Variants in ZNF521 observed in about 807,000 individuals in gnomAD.
The protein encoded by ZNF521 is zinc finger protein 521.
ZNF521 carries 14 observed loss-of-function variants against 105.5 expected under a neutral mutation model. That is an observed-to-expected ratio of 0.13 (90% CI 0.09 to 0.21). The LOEUF (loss-of-function observed/expected upper bound fraction) is 0.21. ZNF521 is among the 10% of genes least tolerant of loss of function. The probability of loss-of-function intolerance (pLI) is 1.00; values close to 1 mark genes in which losing one functional copy is unlikely to be tolerated. For synonymous variants in ZNF521, 635 were observed against 606.0 expected (o/e 1.05, Z -0.70); for missense variants, 1,233 against 1,629.7 (o/e 0.76, Z 4.19).
chr18:25,233,745 A>G (rs1906691822), intron 3 of ZNF521, among the ~76,000 whole-genome samples: 1 of 151,506 alleles, frequency 6.6e-6, no homozygotes, highest in Admixed American at 6.6e-5. Flanking sequence ...AACACTTCAG[A>G]TGAGCCAACA....
At chr18:25,222,579 A>G (rs1905803778) in intron 4 of ZNF521, among the ~76,000 whole-genome samples, 1 of 152,208 alleles carries the variant, frequency 6.6e-6, no homozygotes, top group Admixed American at 6.5e-5. Flanking sequence ...ACACAGACTA[A>G]TGCAGTCATT....
At chr18:25,065,659 A>C in intron 7 of ZNF521, among the ~76,000 whole-genome samples, 1 of 152,094 alleles carries the variant, frequency 6.6e-6, no homozygotes, top group East Asian at 1.9e-4. Context: ...CAGTTTAATT[A>C]CATTATTTTC....
At chr18:25,151,155 A>G (rs1014879237) in intron 5 of ZNF521, among the ~76,000 whole-genome samples, 2 of 152,152 alleles carry the variant, frequency 1.3e-5, no homozygotes, top group Non-Finnish European at 2.9e-5. Flanking sequence ...CGCCCTAAAA[A>G]TAAAACCCAA....
intron 5 of ZNF521, among the ~76,000 whole-genome samples, chr18:25,139,958 T>C (rs2034815611): frequency 6.6e-6 from 1 of 152,134 alleles, no homozygotes; most frequent in Admixed American, 6.6e-5. Context: ...CAAGCCACTG[T>C]CTATGAAGCA....
intron 3 of ZNF521, among the ~76,000 whole-genome samples, chr18:25,300,523 A>G (rs949815763): frequency 6.6e-6 from 1 of 152,156 alleles, no homozygotes; most frequent in Non-Finnish European, 1.5e-5. Flanking sequence ...TCCATCTCTT[A>G]TTATTAAAAG....
intron 5 of ZNF521, among the ~76,000 whole-genome samples, chr18:25,124,654 T>C (rs545112647): frequency 4.6e-5 from 7 of 152,306 alleles, no homozygotes; most frequent in South Asian, 2.1e-4. Context: ...AACTTTATCT[T>C]ATTTTCAATT....
rs114158937 is a variant in ZNF521 at position 25,322,117 on chromosome 18, G to A, written c.111C>T (p.Asp37=). The A allele has an allele frequency of 5.6e-4, 910 of 1,614,126 alleles. 3 individuals carry two copies. In the East Asian group the frequency reaches 6.4e-3, roughly 11 times the overall value. Residue 37 remains aspartate (D), a synonymous_variant, in exon 3 of 8, where the codon GAC becomes GAT. Coordinates refer to ENST00000361524, the MANE Select transcript of ZNF521 (RefSeq NM_015461.3). The stretch of plus-strand genomic sequence containing the variant: ...CAGCTTCGTCTTCCAACTCCTCCCC[G>A]TCTTCCGGCCTCTTCTTACAATCTA... ...EALDCKKRPE[D]GEELEDEAVH...
chr18:25,105,329 C>T (rs965947425), intron 5 of ZNF521, among the ~76,000 whole-genome samples: 4 of 152,112 alleles, frequency 2.6e-5, no homozygotes, highest in African/African-American at 7.2e-5. Context: ...TTAATTCACC[C>T]GAGTAGGTCT....
In ZNF521 at chr18:25,115,522, G is replaced by A. The variant is rs189036775; in HGVS notation, c.3659-23441C>T. 4.2e-3 allele frequency among the ~76,000 whole-genome samples: 639 copies of A among 152,114 alleles called. 3 individuals carry two copies. Among genetic ancestry groups the A allele is most frequent in the African/African-American group, 0.014 (566 of 41,510 alleles). On this transcript the variant is annotated intron_variant, in intron 5 of 7. Transcript: ENST00000361524. ...ATACCTATGGCAGGGCATGAATCAT[G>A]GGCTTTTCTGTTCATAAAGTATTAT...
chr18:25,230,264 AAAAT>A (rs1906449424), intron 3 of ZNF521, among the ~76,000 whole-genome samples: 1 of 152,254 alleles, frequency 6.6e-6, no homozygotes, highest in African/African-American at 2.4e-5. Context: ...TACTTATAGA[AAAAT>A]AAATAAAGCA....
At chr18:25,095,736 T>C (rs2033838739) in intron 5 of ZNF521, among the ~76,000 whole-genome samples, 1 of 152,154 alleles carries the variant, frequency 6.6e-6, no homozygotes, top group South Asian at 2.1e-4. Context: ...AAAACTCTAG[T>C]TTTGCCCAAT....
At chr18:25,191,143 C>A (rs766369261) in intron 5 of ZNF521, among the ~76,000 whole-genome samples, 1 of 152,174 alleles carries the variant, frequency 6.6e-6, no homozygotes, top group Non-Finnish European at 1.5e-5. Flanking sequence ...GACACTTAGA[C>A]ACAATTTTGC....
At chr18:25,136,270 T>C (rs2034731775) in intron 5 of ZNF521, among the ~76,000 whole-genome samples, 1 of 152,164 alleles carries the variant, frequency 6.6e-6, no homozygotes, top group Non-Finnish European at 1.5e-5. Context: ...TTCTATATAG[T>C]CCCTATTTTA....
At chr18:25,290,757 C>T (rs1910970387) in intron 3 of ZNF521, among the ~76,000 whole-genome samples, 1 of 151,810 alleles carries the variant, frequency 6.6e-6, no homozygotes, top group Non-Finnish European at 1.5e-5. Flanking sequence ...ATTACAGGTA[C>T]CCGCCACCAC....
intron 5 of ZNF521, among the ~76,000 whole-genome samples, chr18:25,095,896 C>T (rs547021606): frequency 6.6e-6 from 1 of 152,164 alleles, no homozygotes; most frequent in South Asian, 2.1e-4. Flanking sequence ...CACAGAATAC[C>T]CCTCTCTGTT....
intron 5 of ZNF521, among the ~76,000 whole-genome samples, chr18:25,147,053 T>C (rs893718267): frequency 7.2e-5 from 11 of 152,176 alleles, no homozygotes; most frequent in Admixed American, 5.9e-4. Context: ...TTCTGAAAGT[T>C]TGCAGGATAC....
At chr18:25,155,011 A>C (rs1250249816) in intron 5 of ZNF521, among the ~76,000 whole-genome samples, 1 of 152,156 alleles carries the variant, frequency 6.6e-6, no homozygotes, top group Non-Finnish European at 1.5e-5. Context: ...TCTCACCAAC[A>C]GACAAGGGTT....
chr18:25,231,176 G>A (rs1454874619), intron 3 of ZNF521, among the ~76,000 whole-genome samples: 2 of 152,220 alleles, frequency 1.3e-5, no homozygotes, highest in African/African-American at 4.8e-5. Context: ...CCCAGCCGCT[G>A]AAGGCCTGTC....
intron 3 of ZNF521, among the ~76,000 whole-genome samples, chr18:25,320,094 CAA>C (rs1232494071): frequency 6.6e-6 from 1 of 152,106 alleles, no homozygotes; most frequent in Non-Finnish European, 1.5e-5. Flanking sequence ...AAATAGCTAC[CAA>C]AGACATTATT....
Sources: allele counts gnomAD v4.1 joint callset (sites outside exome capture counted in the v4.1 genomes callset), GRCh38; gene constraint gnomAD v4.1.1; transcripts MANE v1.5; gene names NCBI Gene and HGNC (gene_info 2026-07-23, HGNC 2026-07-21).